PAK5: variants seen among roughly 807,000 people sequenced by gnomAD.
PAK5 encodes the protein serine/threonine-protein kinase PAK 5.
Under a neutral mutation model 65.9 loss-of-function variants are expected in PAK5, and 16 were observed. The observed-to-expected ratio is 0.24, with a 90% CI of 0.16 to 0.37. PAK5 has a LOEUF of 0.37. Among genes scored for constraint, PAK5 ranks in the 10% least tolerant of loss-of-function variants. PAK5 has a pLI of 1.00. For missense variants in PAK5, 785 were observed against 903.9 expected (o/e 0.87, Z 1.69); for synonymous variants, 371 against 354.9 (o/e 1.05, Z -0.51).
At chr20:9,749,773 T>C in intron 1 of PAK5, among the ~76,000 whole-genome samples, 1 of 152,170 alleles carries the variant, frequency 6.6e-6, no homozygotes. Flanking sequence ...GCTTCCTTCA[T>C]CAGGAAAGTC....
At chr20:9,657,096 G>C (rs1406126996) in intron 2 of PAK5, among the ~76,000 whole-genome samples, 1 of 152,046 alleles carries the variant, frequency 6.6e-6, no homozygotes, top group Non-Finnish European at 1.5e-5. Flanking sequence ...GTATAGAACT[G>C]TTCTATCCCC....
Position 9,635,458 on chromosome 20 carries a change from T to C in PAK5, c.204+8667A>G, listed in dbSNP as rs187334743. Among the ~76,000 whole-genome samples, 881 of 152,134 alleles carry C rather than the reference T, an allele frequency of 5.8e-3. 12 individuals are homozygous for C. The highest frequency in any genetic ancestry group is 0.02 in the African/African-American group (842 of 41,480). On this transcript the variant is annotated intron_variant, in intron 3 of 9. Coordinates refer to ENST00000353224, the MANE Select transcript of PAK5 (RefSeq NM_177990.4). ...ATCTCTACTTGTCCATCTGGCCATA[T>C]CCCCCACCCCTCTCCCCATCATGCT... is the stretch of plus-strand genomic sequence containing the variant.
At chr20:9,777,965 A>C (rs1242463096) in intron 1 of PAK5, among the ~76,000 whole-genome samples, 1 of 152,186 alleles carries the variant, frequency 6.6e-6, no homozygotes, top group African/African-American at 2.4e-5. Context: ...GTTTACGTGA[A>C]GCTCTATGGG....
intron 2 of PAK5, among the ~76,000 whole-genome samples, chr20:9,695,009 C>CTTAAGGAGTTG (rs1480797063): frequency 6.6e-6 from 1 of 152,012 alleles, no homozygotes; most frequent in Non-Finnish European, 1.5e-5. Context: ...TACACTCCTG[C>CTTAAGGAGTTG]CAATAGCTTA....
At chr20:9,571,909 A>C in intron 4 of PAK5, among the ~76,000 whole-genome samples, 2 of 144,324 alleles carry the variant, frequency 1.4e-5, no homozygotes, top group East Asian at 2.2e-4. Context: ...AGGGGCGGGC[A>C]GAGTGGGCAA....
rs150725498 is a variant in PAK5, at chr20:9,618,915, G to GTTTTTTTTTTTTTT, written c.204+25196_204+25209dup. ...AGATTCTTTTCTCTCTCTTTCTTTC[G>GTTTTTTTTTTTTTT]TTTTTTTTTTTTTTTTTTTTTTTTT... On this transcript the variant is annotated intron_variant, in intron 3 of 9. Coordinates refer to ENST00000353224, the MANE Select transcript of PAK5 (RefSeq NM_177990.4). 1.6e-4 allele frequency among the ~76,000 whole-genome samples: 3 copies of GTTTTTTTTTTTTTT among 18,816 alleles called. 1 individual carries two copies. The highest frequency in any genetic ancestry group is 9.0e-4 in the Admixed American group (1 of 1,108). 12.3% of individuals were successfully genotyped at this position (18,816 alleles called of 152,430 possible). A position where few individuals can be genotyped will look rare whatever the true frequency, so the allele number is the denominator to read the frequency against.
chr20:9,789,669 G>A (rs1253387689), intron 1 of PAK5, among the ~76,000 whole-genome samples: 2 of 152,094 alleles, frequency 1.3e-5, no homozygotes, highest in Non-Finnish European at 2.9e-5. Flanking sequence ...CTTTTCCCTG[G>A]TTCCACATAT....
intron 7 of PAK5, among the ~76,000 whole-genome samples, chr20:9,553,119 C>A (rs1294230417): frequency 6.6e-6 from 1 of 152,140 alleles, no homozygotes; most frequent in East Asian, 1.9e-4. Flanking sequence ...GGCTACAGTA[C>A]AATATCAACA....
intron 1 of PAK5, among the ~76,000 whole-genome samples, chr20:9,822,385 T>C (rs1373640925): frequency 6.6e-6 from 1 of 152,190 alleles, no homozygotes; most frequent in Non-Finnish European, 1.5e-5. Context: ...ACAAGGTCAG[T>C]TGTAGCCTTA....
intron 2 of PAK5, among the ~76,000 whole-genome samples, chr20:9,701,119 G>A (rs1452899102): frequency 6.6e-6 from 1 of 152,112 alleles, no homozygotes; most frequent in Non-Finnish European, 1.5e-5. Flanking sequence ...CCACAGGCAT[G>A]AGAACCCTGC....
At chr20:9,714,355 C>T (rs1271311424) in intron 1 of PAK5, among the ~76,000 whole-genome samples, 1 of 152,056 alleles carries the variant, frequency 6.6e-6, no homozygotes, top group Non-Finnish European at 1.5e-5. Flanking sequence ...GCTTTTATTT[C>T]ATTATATGCA....
intron 1 of PAK5, among the ~76,000 whole-genome samples, chr20:9,760,772 A>G (rs2048691199): frequency 6.7e-6 from 1 of 148,270 alleles, no homozygotes; most frequent in Non-Finnish European, 1.5e-5. Flanking sequence ...TCCAGGTTGC[A>G]GTGATTCTCG....
intron 2 of PAK5, among the ~76,000 whole-genome samples, chr20:9,706,132 T>A (rs2206469): frequency 0.025 from 3,806 of 152,300 alleles, 162 homozygotes; most frequent in African/African-American, 0.087. Flanking sequence ...CACAAATCTC[T>A]ATATAAATAT....
At chr20:9,682,871 AG>A (rs1421514857) in intron 2 of PAK5, among the ~76,000 whole-genome samples, 3 of 152,192 alleles carry the variant, frequency 2.0e-5, no homozygotes, top group African/African-American at 7.2e-5. Flanking sequence ...GATGATCCAC[AG>A]GTGAAGTAAA....
chr20:9,815,721 G>A (rs2049349429), intron 1 of PAK5, among the ~76,000 whole-genome samples: 1 of 151,782 alleles, frequency 6.6e-6, no homozygotes. Context: ...CTACTATTTG[G>A]GATTGTTCCT....
intron 1 of PAK5, among the ~76,000 whole-genome samples, chr20:9,767,061 C>G (rs993501756): frequency 6.6e-6 from 1 of 152,160 alleles, no homozygotes. Flanking sequence ...TATATATTGA[C>G]AGACTGCGGG....
At chr20:9,588,397 C>T (rs991087591) in intron 3 of PAK5, among the ~76,000 whole-genome samples, 2 of 152,126 alleles carry the variant, frequency 1.3e-5, no homozygotes, top group Non-Finnish European at 2.9e-5. Context: ...AAATAAAGCA[C>T]ACACTCTTCC....
chr20:9,684,462 G>T (rs1333039151), intron 2 of PAK5, among the ~76,000 whole-genome samples: 1 of 152,196 alleles, frequency 6.6e-6, no homozygotes, highest in Non-Finnish European at 1.5e-5. Context: ...TCAAGGAAGG[G>T]CAGTATTCAA....
At chr20:9,725,441 G>A (rs1169941015) in intron 1 of PAK5, among the ~76,000 whole-genome samples, 1 of 151,932 alleles carries the variant, frequency 6.6e-6, no homozygotes, top group African/African-American at 2.4e-5. Context: ...GAAAAGCTAA[G>A]AAATAAATGA....
Sources: gnomAD v4.1 joint callset for allele counts (sites outside exome capture counted in the v4.1 genomes callset) on GRCh38, gnomAD v4.1.1 for gene constraint, MANE v1.5 for transcripts, NCBI Gene and HGNC (gene_info 2026-07-23, HGNC 2026-07-21) for gene names.